Variants in GIGYF2 observed in about 807,000 individuals in gnomAD.
GIGYF2 encodes GRB10 interacting GYF protein 2.
A neutral mutation model predicts 208.1 loss-of-function variants in GIGYF2; 25 were observed. The observed-to-expected ratio is 0.12, with a 90% CI of 0.09 to 0.17. The LOEUF (loss-of-function observed/expected upper bound fraction) is 0.17. Ranked by LOEUF, GIGYF2 falls within the 10% of genes least tolerant of loss-of-function variation. The probability of loss-of-function intolerance (pLI) is 1.00; values close to 1 mark genes in which losing one functional copy is unlikely to be tolerated. For missense variants in GIGYF2, 1,302 were observed against 1,579.4 expected (o/e 0.82, Z 2.98); for synonymous variants, 534 against 543.8 (o/e 0.98, Z 0.25).
chr2:232,745,742 A>C (rs975368476), intron 3 of GIGYF2, among the ~76,000 whole-genome samples: 1 of 152,196 alleles, frequency 6.6e-6, no homozygotes, highest in Non-Finnish European at 1.5e-5. Flanking sequence ...TTAGGGAACC[A>C]AGCATTGATC....
intron 14 of GIGYF2, among the ~76,000 whole-genome samples, chr2:232,799,694 A>G (rs1182700012): frequency 6.6e-6 from 1 of 152,046 alleles, no homozygotes; most frequent in Non-Finnish European, 1.5e-5. Flanking sequence ...TATATTTTTA[A>G]TTTTTTGAGG....
At chr2:232,767,471 G>C (rs755200945) in intron 8 of GIGYF2, 1 of 152,486 alleles carries the variant, frequency 6.6e-6, no homozygotes, top group Non-Finnish European at 1.5e-5. Flanking sequence ...AAAATTTTGC[G>C]TCTCCTTGCA....
Position 232,768,690 on chromosome 2 carries a change from C to T in GIGYF2, c.532+7254C>T, listed in dbSNP as rs1699085050. ...CCGGACACTGGTTAGAGGGCTAGGT[C>T]GGGTGTTGGCCACTTGGAAGATAAG... is the stretch of plus-strand genomic sequence containing the variant. On this transcript the variant is annotated intron_variant, in intron 8 of 28. Transcript: ENST00000373563. 6.2e-7 allele frequency: 1 copy of T among 1,606,942 alleles called. No individual in the cohort carries two copies. The highest frequency in any genetic ancestry group is 8.5e-7 in the Non-Finnish European group (1 of 1,174,470).
At chr2:232,798,954 A>G (rs1700306012) in intron 14 of GIGYF2, among the ~76,000 whole-genome samples, 1 of 150,074 alleles carries the variant, frequency 6.7e-6, no homozygotes, top group Non-Finnish European at 1.5e-5. Context: ...GTCCCTGGCA[A>G]TTACCATTGC....
At chr2:232,746,026 G>A (rs1698136891) in intron 3 of GIGYF2, among the ~76,000 whole-genome samples, 2 of 152,136 alleles carry the variant, frequency 1.3e-5, no homozygotes, top group South Asian at 2.1e-4. Context: ...GAGAGGCCAA[G>A]GTGGGAGGAT....
intron 2 of GIGYF2, among the ~76,000 whole-genome samples, chr2:232,718,131 A>T (rs569795390): frequency 6.6e-6 from 1 of 152,190 alleles, no homozygotes; most frequent in South Asian, 2.1e-4. Context: ...TCTGTTGCCA[A>T]GCTGCAGTGC....
At chr2:232,702,332 G>A (rs1355939906) in intron 1 of GIGYF2, among the ~76,000 whole-genome samples, 1 of 151,916 alleles carries the variant, frequency 6.6e-6, no homozygotes, top group East Asian at 1.9e-4. Flanking sequence ...CTAGCTTCTC[G>A]GGAGGCTGAG....
At chr2:232,785,784 A>G (rs903574328) in intron 8 of GIGYF2, among the ~76,000 whole-genome samples, 4 of 152,232 alleles carry the variant, frequency 2.6e-5, no homozygotes, top group Non-Finnish European at 5.9e-5. Context: ...CTGAATCTCA[A>G]TATATGTAAG....
intron 8 of GIGYF2, chr2:232,768,329 C>T: frequency 6.2e-7 from 1 of 1,614,118 alleles, no homozygotes. Context: ...CAAAATTCTC[C>T]ATCTTGATTT....
intron 5 of GIGYF2, among the ~76,000 whole-genome samples, chr2:232,755,374 T>G: frequency 6.6e-6 from 1 of 152,152 alleles, no homozygotes; most frequent in South Asian, 2.1e-4. Context: ...TTTCACCATC[T>G]TGGCCAGGCT....
At chr2:232,788,601 T>TG in intron 9 of GIGYF2, 1 of 470,358 alleles carries the variant, frequency 2.1e-6, no homozygotes, top group South Asian at 1.6e-5. Flanking sequence ...GTGAATGTTT[T>TG]GGAAGATGAA....
chr2:232,830,734 C>T (rs919148137), intron 21 of GIGYF2, among the ~76,000 whole-genome samples: 10 of 151,984 alleles, frequency 6.6e-5, no homozygotes, highest in African/African-American at 1.9e-4. Flanking sequence ...GTAATCCCCA[C>T]GACTCAAGAG....
At chr2:232,746,326 CTTCATA>C (rs1353515922) in intron 3 of GIGYF2, among the ~76,000 whole-genome samples, 1 of 151,984 alleles carries the variant, frequency 6.6e-6, no homozygotes, top group Non-Finnish European at 1.5e-5. Context: ...TTTACTTGGC[CTTCATA>C]TTAATATTTA....
chr2:232,730,328 G>T, intron 2 of GIGYF2: 2 of 524,580 alleles, frequency 3.8e-6, no homozygotes, highest in Non-Finnish European at 6.9e-6. Flanking sequence ...TTAGGGGCCG[G>T]GTGCAGTGGC....
chr2:232,711,167 T>C (rs1322417875), intron 2 of GIGYF2, among the ~76,000 whole-genome samples: 1 of 151,094 alleles, frequency 6.6e-6, no homozygotes, highest in Non-Finnish European at 1.5e-5. Flanking sequence ...GGTGGTGTAG[T>C]CTTGGCTCCC....
At chr2:232,838,270 ATGTG>A (rs1701711455) in intron 22 of GIGYF2, among the ~76,000 whole-genome samples, 1 of 151,596 alleles carries the variant, frequency 6.6e-6, no homozygotes, top group South Asian at 2.1e-4. Flanking sequence ...ATATGTGTGT[ATGTG>A]TGTGTGCATG....
intron 18 of GIGYF2, 23 bp downstream of exon 18, chr2:232,812,514 A>G: frequency 1.2e-6 from 1 of 856,520 alleles, no homozygotes; most frequent in Non-Finnish European, 2.0e-6. Flanking sequence ...ATTAACCTTT[A>G]GTACCACTCT....
chr2:232,731,742 C>T (rs1478298343), intron 2 of GIGYF2, among the ~76,000 whole-genome samples: 1 of 152,112 alleles, frequency 6.6e-6, no homozygotes, highest in Non-Finnish European at 1.5e-5. Context: ...TTGGAATGTA[C>T]CATAATTTTA....
chr2:232,794,072 A>G (rs899014180), intron 12 of GIGYF2, among the ~76,000 whole-genome samples: 2 of 152,206 alleles, frequency 1.3e-5, no homozygotes, highest in Non-Finnish European at 1.5e-5. Context: ...AATTTGGAGA[A>G]GCTATCTGTA....
Sources: gnomAD v4.1 joint callset for allele counts (sites outside exome capture counted in the v4.1 genomes callset) on GRCh38, gnomAD v4.1.1 for gene constraint, MANE v1.5 for transcripts, NCBI Gene and HGNC (gene_info 2026-07-23, HGNC 2026-07-21) for gene names.